The following NKAIN3 variants were observed in gnomAD, a reference collection of about 807,000 sequenced individuals.
NKAIN3 encodes the protein sodium/potassium transporting ATPase interacting 3.
In NKAIN3, 25 loss-of-function variants were observed where a neutral mutation model predicts 30.2. The ratio of observed to expected loss-of-function variants is 0.83; its 90% CI spans 0.60 to 1.16. The LOEUF (loss-of-function observed/expected upper bound fraction) is 1.16. Among genes scored for constraint, NKAIN3 ranks in the 50% most tolerant of loss-of-function variants. The pLI is 0.00. For synonymous variants in NKAIN3, 91 were observed against 89.6 expected, an observed-to-expected ratio of 1.02 and a Z score of -0.09; for missense variants, 225 against 254.1, an observed-to-expected ratio of 0.89 and a Z score of 0.78.
At chr8:62,908,777 C>G (rs1821853224) in intron 4 of NKAIN3, among the ~76,000 whole-genome samples, 1 of 152,174 alleles carries the variant, frequency 6.6e-6, no homozygotes, top group Non-Finnish European at 1.5e-5. Flanking sequence ...ATTACCCAGT[C>G]TTAGGTATGT....
intron 1 of NKAIN3, among the ~76,000 whole-genome samples, chr8:62,271,578 T>A (rs369393196): frequency 6.6e-6 from 1 of 152,088 alleles, no homozygotes; most frequent in African/African-American, 2.4e-5. Context: ...AATGCTGGAG[T>A]TTCACATAGT....
intron 1 of NKAIN3, among the ~76,000 whole-genome samples, chr8:62,286,839 A>G (rs1287672188): frequency 6.6e-6 from 1 of 151,986 alleles, no homozygotes; most frequent in African/African-American, 2.4e-5. Context: ...AAATGTGTTA[A>G]TGGCATTTGT....
chr8:62,815,616 A>G (rs1311489079), intron 4 of NKAIN3, among the ~76,000 whole-genome samples: 1 of 152,184 alleles, frequency 6.6e-6, no homozygotes, highest in Admixed American at 6.5e-5. Flanking sequence ...CCAAAGACAA[A>G]AACCACATGA....
At chr8:62,921,725 T>A (rs1822283005) in intron 5 of NKAIN3, among the ~76,000 whole-genome samples, 1 of 152,180 alleles carries the variant, frequency 6.6e-6, no homozygotes, top group Non-Finnish European at 1.5e-5. Context: ...TAAATATATA[T>A]CAATCTCCAT....
At chr8:62,362,710 T>C (rs11776354) in intron 1 of NKAIN3, among the ~76,000 whole-genome samples, 32,780 of 152,110 alleles carry the variant, frequency 0.22, 3,824 homozygotes, top group Middle Eastern at 0.34. Flanking sequence ...AGGACTTTAA[T>C]TGAGCAATGA....
At position 62,852,351 on chromosome 8, in the gene NKAIN3, C is replaced by T. The variant is rs1420343436; in HGVS notation, c.472-66102C>T. ...CTATTTGATTCTTCTCTCTTTTCTTCTTTATTAGTCTTGCTAGCGGGCTAT... is the reference window on the plus strand; with the variant it reads ...CTATTTGATTCTTCTCTCTTTTCTTTTTTATTAGTCTTGCTAGCGGGCTAT... On this transcript the variant is annotated intron_variant, in intron 4 of 6. Transcript: ENST00000623646. 2.0e-5 allele frequency among the ~76,000 whole-genome samples: 3 copies of T among 152,052 alleles called. No individual in the cohort carries two copies. The East Asian group carries it at 5.8e-4, about 29-fold the overall frequency.
At chr8:62,764,773 G>A (rs116160252) in intron 4 of NKAIN3, among the ~76,000 whole-genome samples, 1 of 152,132 alleles carries the variant, frequency 6.6e-6, no homozygotes, top group Admixed American at 6.5e-5. Context: ...ATGTCATACA[G>A]GTCAAAATCC....
intron 1 of NKAIN3, among the ~76,000 whole-genome samples, chr8:62,285,172 T>A (rs1813340021): frequency 6.6e-6 from 1 of 152,110 alleles, no homozygotes; most frequent in Non-Finnish European, 1.5e-5. Context: ...CAAATCTAGG[T>A]TTCACTAGAA....
intron 1 of NKAIN3, among the ~76,000 whole-genome samples, chr8:62,306,426 G>A (rs1814240367): frequency 6.7e-6 from 1 of 149,920 alleles, no homozygotes; most frequent in Non-Finnish European, 1.5e-5. Context: ...TTATAAGGAG[G>A]GCAGTGAAAA....
At chr8:62,433,002 T>C (rs1308097066) in intron 1 of NKAIN3, among the ~76,000 whole-genome samples, 1 of 152,132 alleles carries the variant, frequency 6.6e-6, no homozygotes, top group Non-Finnish European at 1.5e-5. Context: ...TTGAAGTAGT[T>C]TGTTGTCCTC....
At chr8:62,537,081 T>C (rs914711352) in intron 1 of NKAIN3, among the ~76,000 whole-genome samples, 15 of 152,190 alleles carry the variant, frequency 9.9e-5, no homozygotes, top group Non-Finnish European at 1.9e-4. Context: ...AGACAACCAG[T>C]TACCTTATGT....
intron 1 of NKAIN3, among the ~76,000 whole-genome samples, chr8:62,397,720 T>C (rs1487135677): frequency 1.3e-5 from 2 of 152,176 alleles, no homozygotes; most frequent in Non-Finnish European, 1.5e-5. Context: ...CTGGTTTACA[T>C]TCACATCATT....
intron 6 of NKAIN3, among the ~76,000 whole-genome samples, chr8:62,958,319 G>C (rs370914034): frequency 1.3e-5 from 2 of 152,038 alleles, no homozygotes; most frequent in South Asian, 4.2e-4. Context: ...GGTTATCTGG[G>C]TCTGGCCTGG....
chr8:62,501,294 C>G (rs1055316768), intron 1 of NKAIN3, among the ~76,000 whole-genome samples: 1 of 152,162 alleles, frequency 6.6e-6, no homozygotes, highest in Non-Finnish European at 1.5e-5. Context: ...CTGCCACCCT[C>G]ATGACCTTAT....
intron 5 of NKAIN3, among the ~76,000 whole-genome samples, chr8:62,927,568 A>G (rs1342270639): frequency 2.6e-5 from 4 of 152,186 alleles, no homozygotes; most frequent in Non-Finnish European, 5.9e-5. Flanking sequence ...AATTATAGGC[A>G]TGTATTAAAT....
At chr8:62,322,324 T>C (rs143972789) in intron 1 of NKAIN3, among the ~76,000 whole-genome samples, 3,196 of 152,212 alleles carry the variant, frequency 0.021, 106 homozygotes, top group African/African-American at 0.071. Flanking sequence ...CGGTGCACTG[T>C]ACCCACTGTC....
At chr8:62,357,860 A>T (rs571597218) in intron 1 of NKAIN3, among the ~76,000 whole-genome samples, 1 of 152,314 alleles carries the variant, frequency 6.6e-6, no homozygotes, top group South Asian at 2.1e-4. Context: ...TGTAATATTT[A>T]TTAGTTATAA....
chr8:62,929,228 C>A (rs1450664681), intron 5 of NKAIN3, among the ~76,000 whole-genome samples: 1 of 152,272 alleles, frequency 6.6e-6, no homozygotes, highest in East Asian at 1.9e-4. Context: ...GACCTGCTGA[C>A]TCTCAAAAAA....
At chr8:62,952,022 A>G (rs1823296132) in intron 5 of NKAIN3, among the ~76,000 whole-genome samples, 1 of 151,862 alleles carries the variant, frequency 6.6e-6, no homozygotes. Flanking sequence ...CTGGTCTCAA[A>G]CCCCTGACTT....
Sources: gnomAD v4.1 joint callset for allele counts (sites outside exome capture counted in the v4.1 genomes callset) on GRCh38, gnomAD v4.1.1 for gene constraint, MANE v1.5 for transcripts, NCBI Gene and HGNC (gene_info 2026-07-23, HGNC 2026-07-21) for gene names.